The following ARHGAP45 variants were observed in gnomAD, a reference collection of about 807,000 sequenced individuals.
ARHGAP45 encodes the protein Rho GTPase activating protein 45.
A neutral mutation model predicts 116.1 loss-of-function variants in ARHGAP45; 56 were observed. That is an observed-to-expected ratio of 0.48 (90% CI 0.39 to 0.60). ARHGAP45 has a LOEUF of 0.60. ARHGAP45 is among the 20% of genes least tolerant of loss of function. The pLI is 0.00. For missense variants in ARHGAP45, 1,622 were observed against 1,601.0 expected, an observed-to-expected ratio of 1.01 and a Z score of -0.22; for synonymous variants, 866 against 701.7, an observed-to-expected ratio of 1.23 and a Z score of -3.70.
At chr19:1,080,411 C>T (rs1568474394) in intron 14 of ARHGAP45, 32 bp downstream of exon 14, 1 of 1,609,692 alleles carries the variant, frequency 6.2e-7, no homozygotes, top group East Asian at 2.2e-5. Flanking sequence ...GGGGCGGACG[C>T]TGGCTCCCTG....
intron 2 of ARHGAP45, 102 bp from the exon 3 acceptor site, chr19:1,073,047 G>T (rs1182481703): frequency 2.9e-6 from 4 of 1,389,232 alleles, no homozygotes; most frequent in East Asian, 2.3e-5. Flanking sequence ...CTCTGCCTCA[G>T]TTTCCCCATC....
At chr19:1,085,634 C>T in intron 22 of ARHGAP45, 26 bp from the exon 23 acceptor site, 1 of 1,483,766 alleles carries the variant, frequency 6.7e-7, no homozygotes, top group Non-Finnish European at 9.1e-7. Flanking sequence ...GTCTGTCTCC[C>T]CCCGCCATCT....
Position 1,080,928 on chromosome 19 carries a change from C to T in ARHGAP45, c.2054C>T (p.Ala685Val), listed in dbSNP as rs868564527. ...GGCATGACCCCCGAGCTGCCGGTGG[C>T]CGTGCCCAGTGGACCGTTCCGCCAC... ...LNGMTPELPV[A>V]VPSGPFRHEG... Residue 685 changes from alanine to valine, a missense_variant, in exon 17 of 23, where the codon GCC becomes GTC. Ala to Val is a moderately conservative substitution (Grantham distance 64, BLOSUM62 0). Transcript: ENST00000313093. 14 of 1,609,046 alleles carry T rather than the reference C, an allele frequency of 8.7e-6. No individual in the cohort carries two copies. The highest frequency in any genetic ancestry group is 1.1e-5 in the Non-Finnish European group (13 of 1,178,072).
At position 1,071,161 on chromosome 19, in the gene ARHGAP45, A is replaced by T; in HGVS notation, c.422-1988A>T. ...CCCAGGCTGGGGCGAACGGGACCCC[A>T]GGGCGGGGTTTCCCTCGCGGGGGCG... On this transcript the variant is annotated intron_variant, in intron 2 of 22. Transcript: ENST00000313093. The surrounding 1 kb of genome is among the most constrained non-coding windows in gnomAD (Gnocchi z 4.6). 7.6e-7 allele frequency: 1 copy of T among 1,314,826 alleles called. No individual in the cohort carries two copies. Among genetic ancestry groups the T allele is most frequent in the South Asian group, 1.6e-5 (1 of 62,312 alleles). 81.4% of individuals were successfully genotyped at this position (1,314,826 alleles called of 1,614,324 possible).
Position 1,068,543 on chromosome 19 carries a change from G to A in ARHGAP45, c.220G>A (p.Ala74Thr), listed in dbSNP as rs768078615. Residue 74 changes from alanine (A) to threonine (T), a missense_variant, in exon 2 of 23, where the codon GCG becomes ACG. By Grantham distance (58) the Ala-to-Thr change is moderately conservative (BLOSUM62 0). Transcript: ENST00000313093. This position sits in a 1 kb window ranked among gnomAD's most constrained non-coding sequence, Gnocchi z 7.5. ...RPTSLSRHAS[A>T]AGFPLSGAAS... The stretch of plus-strand genomic sequence containing the variant: ...CACCAGCCTGAGCCGCCACGCCAGC[G>A]CGGCTGGCTTCCCCCTGTCGGGTGC... 2.9e-5 allele frequency: 47 copies of A among 1,608,710 alleles called. No homozygotes were observed. The highest frequency in any genetic ancestry group is 1.6e-4 in the East Asian group (7 of 44,764).
Position 1,079,936 on chromosome 19 carries a change from C to G in ARHGAP45, c.1521C>G (p.Ile507Met), listed in dbSNP as rs765547324. 1.9e-6 allele frequency: 3 copies of G among 1,606,600 alleles called. No homozygotes were observed. The highest frequency in any genetic ancestry group is 1.7e-4 in the Middle Eastern group (1 of 6,044). Residue 507 changes from isoleucine (I) to methionine (M), a missense_variant, in exon 13 of 23, where the codon ATC becomes ATG. Ile to Met is a conservative substitution (Grantham distance 10). Coordinates refer to ENST00000313093, the MANE Select transcript of ARHGAP45 (RefSeq NM_012292.5). ...QSDQTIKSAT[I>M]SYYQMMHMQT... is the part of the protein sequence containing the mutation. ...TCCGGTGCCGCCCGCAGGCCACGAT[C>G]TCCTACTACCAGATGATGCATATGC...
chr19:1,082,055 G>A (rs1389007460), intron 19 of ARHGAP45, 94 bp downstream of exon 19: 1 of 1,279,898 alleles, frequency 7.8e-7, no homozygotes, highest in South Asian at 1.3e-5. Flanking sequence ...GAGCAGGACT[G>A]AGCTGGAGCA....
Position 1,068,793 on chromosome 19 carries a change from C to A in ARHGAP45, c.421+49C>A. 3 of 1,558,716 alleles carry A rather than the reference C, an allele frequency of 1.9e-6. No homozygotes were observed. In the South Asian group the frequency reaches 3.4e-5, roughly 18 times the overall value. On this transcript the variant is annotated intron_variant, in intron 2 of 22. Coordinates refer to ENST00000313093, the MANE Select transcript of ARHGAP45 (RefSeq NM_012292.5). The surrounding 1 kb of genome is among the most constrained non-coding windows in gnomAD (Gnocchi z 7.5). ...GCCTGGGTGGAAGACAGAGCCAGAC[C>A]CAAGGGAGGATGGAGGGAGGGACTT...
Position 1,077,991 on chromosome 19 carries a change from G to T in ARHGAP45, c.1320G>T (p.Thr440=). The T allele has an allele frequency of 6.4e-7, 1 of 1,555,068 alleles. No homozygotes were observed. The highest frequency in any genetic ancestry group is 8.7e-7 in the Non-Finnish European group (1 of 1,148,724). ...QAGSAPGAGS[T]ATKTLDKRRR... is the part of the protein sequence containing the mutation. The stretch of plus-strand genomic sequence containing the variant: ...GCAGCGCGCCGGGAGCAGGCAGCAC[G>T]GCCACCAAGACCCTGGACAAGCGGC... The change falls in exon 11 of 23, where the codon ACG becomes ACT. Residue 440 remains threonine, a synonymous_variant. Transcript: ENST00000313093.
chr19:1,073,117 A>C, intron 2 of ARHGAP45, 32 bp from the exon 3 acceptor site: 1 of 1,588,286 alleles, frequency 6.3e-7, no homozygotes, highest in Non-Finnish European at 8.5e-7. Context: ...ACTGGGCCCT[A>C]CCCCACTGCT....
intron 10 of ARHGAP45, among the ~76,000 whole-genome samples, chr19:1,076,481 G>GTTTTTTTTTTTTTTTTTTTTTTTTTTTT (rs1568464614): frequency 1.1e-4 from 11 of 104,150 alleles, no homozygotes; most frequent in African/African-American, 4.3e-4. Flanking sequence ...GTTGGCAGTA[G>GTTTTTTTTTTTTTTTTTTTTTTTTTTTT]TCTTTTTTTT....
At chr19:1,082,086 C>G in intron 19 of ARHGAP45, 125 bp downstream of exon 19, 1 of 141,266 alleles carries the variant, frequency 7.1e-6, no homozygotes, top group South Asian at 7.7e-5. Flanking sequence ...AAGCGGGGGC[C>G]TGGGGAGGAC....
Position 1,082,862 on chromosome 19 carries a change from T to C in ARHGAP45, c.2540T>C (p.Phe847Ser). 1.9e-6 allele frequency: 3 copies of C among 1,553,060 alleles called. No individual in the cohort carries two copies. The highest frequency in any genetic ancestry group is 2.6e-6 in the Non-Finnish European group (3 of 1,149,684). ...CAGCTTCCCGAGCCGCTCATCTCCT[T>C]CCGCCTCTACCACGAGCTCGTAGGG... is the stretch of plus-strand genomic sequence containing the variant. The part of the protein sequence containing the change: ...LRQLPEPLIS[F>S]RLYHELVGLA... The change falls in exon 20 of 23, where the codon TTC (phenylalanine) becomes TCC (serine). Residue 847 changes from phenylalanine to serine, a missense_variant. Physicochemically the swap from Phe to Ser is radical, Grantham distance 155 (BLOSUM62 -2). Coordinates refer to ENST00000313093, the MANE Select transcript of ARHGAP45 (RefSeq NM_012292.5).
rs34721728 is a variant in ARHGAP45 at position 1,085,994 on chromosome 19, G to A, written c.3399G>A (p.Pro1133=). The part of the protein sequence containing the change: ...MTLGSCRERQ[P]EFV Reference sequence around the variant, plus strand: ...TGGGCTCCTGCAGGGAAAGGCAGCCGGAATTCGTGTGAGCTGGGGTGGGGC... The same window carrying A: ...TGGGCTCCTGCAGGGAAAGGCAGCCAGAATTCGTGTGAGCTGGGGTGGGGC... Residue 1133 remains proline (P), a synonymous_variant, in exon 23 of 23, where the codon CCG becomes CCA. Coordinates refer to ENST00000313093, the MANE Select transcript of ARHGAP45 (RefSeq NM_012292.5). 0.048 allele frequency: 77,154 copies of A among 1,611,702 alleles called. 2,125 individuals are homozygous for A. Among genetic ancestry groups the A allele is most frequent in the Non-Finnish European group, 0.057 (67,034 of 1,179,156 alleles).
Position 1,071,222 on chromosome 19 carries a change from G to T in ARHGAP45, c.422-1927G>T. 1.4e-6 allele frequency: 2 copies of T among 1,445,358 alleles called. No homozygotes were observed. The highest frequency in any genetic ancestry group is 6.3e-5 in the East Asian group (2 of 31,772). 89.5% of individuals were successfully genotyped at this position (1,445,358 alleles called of 1,614,324 possible). Reference sequence around the variant, plus strand: ...ACCGGCCGGAGCCGGTTTGGCCACCGGAGACCCCCATCGGTCAGCTGCCAG... The same window carrying T: ...ACCGGCCGGAGCCGGTTTGGCCACCTGAGACCCCCATCGGTCAGCTGCCAG... On this transcript the variant is annotated intron_variant, in intron 2 of 22. Transcript: ENST00000313093. This position sits in a 1 kb window ranked among gnomAD's most constrained non-coding sequence, Gnocchi z 4.6.
chr19:1,082,099 G>A lies in ARHGAP45; in HGVS notation c.2517+138G>A, dbSNP rs1161699277. 13 of 878,188 alleles carry A rather than the reference G, an allele frequency of 1.5e-5. No homozygotes were observed. The Admixed American group carries it at 3.3e-4, about 22-fold the overall frequency. The allele number at this position is 878,188 out of a possible 1,614,324, so 54.4% of individuals were successfully genotyped here. ...GCAAGCGGGGGCCTGGGGAGGACAG[G>A]GTGGGCGGGACAGTGCCTGGCAGGG... On this transcript the variant is annotated intron_variant, in intron 19 of 22. Coordinates refer to ENST00000313093, the MANE Select transcript of ARHGAP45 (RefSeq NM_012292.5).
intron 8 of ARHGAP45, 64 bp downstream of exon 8, chr19:1,074,471 C>G: frequency 6.9e-7 from 1 of 1,441,324 alleles, no homozygotes; most frequent in Non-Finnish European, 9.2e-7. Flanking sequence ...AGCCCCATTT[C>G]AAGGGCCCAG....
rs769088677 is a variant in ARHGAP45 at position 1,082,837 on chromosome 19, C to T, written c.2518-3C>T. Reference sequence around the variant, plus strand: ...ACACCTGCTGACCCTTGACTCTGCGCAGCTTCCCGAGCCGCTCATCTCCTT... The same window carrying T: ...ACACCTGCTGACCCTTGACTCTGCGTAGCTTCCCGAGCCGCTCATCTCCTT... On this transcript the variant is annotated splice_polypyrimidine_tract_variant and splice_region_variant and intron_variant, in intron 19 of 22. Transcript: ENST00000313093. 2 of 1,491,176 alleles carry T rather than the reference C, an allele frequency of 1.3e-6. No homozygotes were observed. Among genetic ancestry groups the T allele is most frequent in the East Asian group, 2.4e-5 (1 of 42,552 alleles). 92.4% of individuals were successfully genotyped at this position (1,491,176 alleles called of 1,614,324 possible). A position where few individuals can be genotyped will look rare whatever the true frequency, so the allele number is the denominator to read the frequency against.
Position 1,074,126 on chromosome 19 carries a change from G to A in ARHGAP45, c.813G>A (p.Val271=). The A allele has an allele frequency of 6.2e-7, 1 of 1,613,036 alleles. No homozygotes were observed. The highest frequency in any genetic ancestry group is 8.5e-7 in the Non-Finnish European group (1 of 1,179,840). Reference sequence around the variant, plus strand: ...CAGGCTGCCTGCCCGCCGAGGAGGTGGACGTGCTGCTACAGCGCTGTGAGG... The same window carrying A: ...CAGGCTGCCTGCCCGCCGAGGAGGTAGACGTGCTGCTACAGCGCTGTGAGG... The part of the protein sequence containing the change: ...CDAGCLPAEE[V]DVLLQRCEGG... Residue 271 remains valine, a synonymous_variant, in exon 7 of 23, where the codon GTG becomes GTA. Coordinates refer to ENST00000313093, the MANE Select transcript of ARHGAP45 (RefSeq NM_012292.5).
Sources: allele counts gnomAD v4.1 joint callset (sites outside exome capture counted in the v4.1 genomes callset), GRCh38; gene constraint gnomAD v4.1.1; non-coding constraint Gnocchi (gnomAD v3.1); transcripts MANE v1.5; gene names NCBI Gene and HGNC (gene_info 2026-07-23, HGNC 2026-07-21).